The following SLC4A10 variants were observed in gnomAD, a reference collection of about 807,000 sequenced individuals.
The protein encoded by SLC4A10 is solute carrier family 4 member 10, also known as sodium-driven chloride bicarbonate exchanger.
SLC4A10 carries 42 observed loss-of-function variants against 137.7 expected under a neutral mutation model. The observed-to-expected ratio is 0.30, with a 90% CI of 0.24 to 0.39. The LOEUF (loss-of-function observed/expected upper bound fraction) is 0.39, where lower values mean the gene tolerates loss of function less well. Among genes scored for constraint, SLC4A10 ranks in the 10% least tolerant of loss-of-function variants. The pLI is 1.00. For missense variants in SLC4A10, 925 were observed against 1,355.0 expected (o/e 0.68, Z 4.98); for synonymous variants, 474 against 464.1 (o/e 1.02, Z -0.27).
At chr2:161,967,459 TACG>T (rs1697800299) in intron 23 of SLC4A10, among the ~76,000 whole-genome samples, 1 of 152,328 alleles carries the variant, frequency 6.6e-6, no homozygotes. Context: ...CACACAAATG[TACG>T]ACAACAATTT....
Position 161,676,696 on chromosome 2 carries a change from G to T in SLC4A10, c.48+52130G>T, listed in dbSNP as rs35518751. Among the ~76,000 whole-genome samples, 381 of 152,232 alleles carry T rather than the reference G, an allele frequency of 2.5e-3. 3 individuals are homozygous for T. Among genetic ancestry groups the T allele is most frequent in the Non-Finnish European group, 3.4e-3 (234 of 68,020 alleles). On this transcript the variant is annotated intron_variant, in intron 1 of 26. Transcript: ENST00000446997. Reference sequence around the variant, plus strand: ...CATTTAAGTTTTTATATATCTATATGTTGAAAAGAATTGATATCAAAAATT... The same window carrying T: ...CATTTAAGTTTTTATATATCTATATTTTGAAAAGAATTGATATCAAAAATT...
intron 8 of SLC4A10, among the ~76,000 whole-genome samples, chr2:161,878,607 A>G (rs1317744286): frequency 6.6e-6 from 1 of 152,108 alleles, no homozygotes; most frequent in Non-Finnish European, 1.5e-5. Flanking sequence ...TTGAAGAATT[A>G]CCAGGCCAAG....
At chr2:161,906,597 C>A (rs1684417169) in intron 15 of SLC4A10, among the ~76,000 whole-genome samples, 2 of 152,096 alleles carry the variant, frequency 1.3e-5, no homozygotes, top group Admixed American at 1.3e-4. Flanking sequence ...TGCTTATATG[C>A]AGTTTTTTAT....
chr2:161,860,907 G>C (rs1408659756), intron 5 of SLC4A10, among the ~76,000 whole-genome samples: 1 of 152,158 alleles, frequency 6.6e-6, no homozygotes, highest in African/African-American at 2.4e-5. Context: ...ATTTTAAATG[G>C]TTGAAAAATA....
At chr2:161,843,730 G>C (rs555939193) in intron 4 of SLC4A10, among the ~76,000 whole-genome samples, 1 of 152,194 alleles carries the variant, frequency 6.6e-6, no homozygotes, top group East Asian at 1.9e-4. Flanking sequence ...AAAATCATTA[G>C]CATCACCATT....
intron 21 of SLC4A10, among the ~76,000 whole-genome samples, chr2:161,960,544 A>T (rs1696501040): frequency 1.3e-5 from 2 of 151,350 alleles, no homozygotes; most frequent in Admixed American, 1.3e-4. Context: ...ATATGGCAAA[A>T]TCTAGTCTCT....
intron 1 of SLC4A10, among the ~76,000 whole-genome samples, chr2:161,655,143 T>C (rs1047403622): frequency 2.6e-5 from 4 of 152,146 alleles, no homozygotes; most frequent in African/African-American, 4.8e-5. Flanking sequence ...CTATTGTCAA[T>C]GTGATTGTTT....
intron 15 of SLC4A10, among the ~76,000 whole-genome samples, chr2:161,909,076 C>T (rs1451456189): frequency 1.0e-5 from 1 of 95,864 alleles, no homozygotes; most frequent in African/African-American, 4.4e-5. Flanking sequence ...ACACTGGGGA[C>T]TGTTGTGGGG....
intron 5 of SLC4A10, among the ~76,000 whole-genome samples, chr2:161,860,235 G>T (rs2060357199): frequency 6.6e-6 from 1 of 152,054 alleles, no homozygotes; most frequent in Non-Finnish European, 1.5e-5. Context: ...AGATGAGTGT[G>T]TTTTTTAATA....
At chr2:161,856,050 A>G (rs2060082044) in intron 5 of SLC4A10, among the ~76,000 whole-genome samples, 1 of 152,092 alleles carries the variant, frequency 6.6e-6, no homozygotes, top group Non-Finnish European at 1.5e-5. Context: ...GAACAGCCCC[A>G]TGAAGTAGAT....
chr2:161,929,322 T>C (rs1318092613), intron 15 of SLC4A10, among the ~76,000 whole-genome samples: 1 of 152,224 alleles, frequency 6.6e-6, no homozygotes, highest in African/African-American at 2.4e-5. Flanking sequence ...CAATGCTGGG[T>C]TAGGAACCGA....
intron 1 of SLC4A10, among the ~76,000 whole-genome samples, chr2:161,630,942 A>G (rs1170001659): frequency 6.6e-6 from 1 of 151,798 alleles, no homozygotes; most frequent in African/African-American, 2.4e-5. Flanking sequence ...CTAATTAAAC[A>G]ATAAAAAAGA....
intron 26 of SLC4A10, 80 bp from the exon 27 acceptor site, chr2:161,983,099 G>A: frequency 2.2e-6 from 3 of 1,354,174 alleles, no homozygotes; most frequent in East Asian, 2.5e-5. Context: ...GGGTTGACGG[G>A]TTTTATGTCT....
At chr2:161,941,632 T>A (rs1217584119) in intron 15 of SLC4A10, among the ~76,000 whole-genome samples, 1 of 152,164 alleles carries the variant, frequency 6.6e-6, no homozygotes, top group Non-Finnish European at 1.5e-5. Context: ...CAGTGTTCTC[T>A]TATTGGGAAG....
intron 3 of SLC4A10, among the ~76,000 whole-genome samples, chr2:161,828,808 A>ATATATATATATATATATATGTG (rs1221709021): frequency 8.2e-6 from 1 of 122,530 alleles, no homozygotes; most frequent in African/African-American, 3.1e-5. Context: ...ATATATATAT[A>ATATATATATATATATATATGTG]TGTATAATCT....
chr2:161,804,321 A>G (rs1470406878), intron 2 of SLC4A10, 128 bp from the exon 3 acceptor site: 2 of 997,018 alleles, frequency 2.0e-6, no homozygotes, highest in East Asian at 2.7e-5. Context: ...TCCAAGCTTT[A>G]TGTATCATAA....
At chr2:161,729,443 G>A (rs2046597520) in intron 1 of SLC4A10, among the ~76,000 whole-genome samples, 1 of 152,026 alleles carries the variant, frequency 6.6e-6, no homozygotes, top group Non-Finnish European at 1.5e-5. Flanking sequence ...GAACTAATCT[G>A]TATTTTGATT....
chr2:161,690,894 T>C (rs1431055976), intron 1 of SLC4A10, among the ~76,000 whole-genome samples: 4 of 152,094 alleles, frequency 2.6e-5, no homozygotes, highest in Middle Eastern at 3.4e-3. Context: ...TGGCACCCAT[T>C]TACCTGTGTA....
intron 3 of SLC4A10, among the ~76,000 whole-genome samples, chr2:161,833,477 C>A (rs1045194560): frequency 3.3e-5 from 5 of 152,170 alleles, no homozygotes; most frequent in African/African-American, 1.2e-4. Context: ...ATGAAAAGGT[C>A]ATCAAAGAAA....
Sources: gnomAD v4.1 joint callset for allele counts (sites outside exome capture counted in the v4.1 genomes callset) on GRCh38, gnomAD v4.1.1 for gene constraint, MANE v1.5 for transcripts, NCBI Gene and HGNC (gene_info 2026-07-23, HGNC 2026-07-21) for gene names.